Variants in GRIA4 observed in about 807,000 individuals in gnomAD.
GRIA4 encodes the protein glutamate receptor 4.
Under a neutral mutation model 104.0 loss-of-function variants are expected in GRIA4, and 34 were observed. The observed-to-expected ratio is 0.33, with a 90% CI of 0.25 to 0.44. The LOEUF (loss-of-function observed/expected upper bound fraction) is 0.44. Ranked by LOEUF, GRIA4 falls within the 20% of genes least tolerant of loss-of-function variation. The probability of loss-of-function intolerance (pLI) is 1.00; values close to 1 mark genes in which losing one functional copy is unlikely to be tolerated. For missense variants in GRIA4, 750 were observed against 1,096.5 expected (o/e 0.68, Z 4.46); for synonymous variants, 386 against 381.9 (o/e 1.01, Z -0.13).
At chr11:105,692,716 C>T (rs556595467) in intron 3 of GRIA4, among the ~76,000 whole-genome samples, 11 of 152,218 alleles carry the variant, frequency 7.2e-5, no homozygotes, top group African/African-American at 1.2e-4. Context: ...CAAGTCAGTG[C>T]GTGAATCGCA....
chr11:105,843,574 A>C (rs1393747533), intron 4 of GRIA4, among the ~76,000 whole-genome samples: 1 of 152,224 alleles, frequency 6.6e-6, no homozygotes, highest in Non-Finnish European at 1.5e-5. Context: ...CGGGAATTTC[A>C]GTGCAATTCC....
intron 4 of GRIA4, among the ~76,000 whole-genome samples, chr11:105,767,415 G>A (rs1221733271): frequency 1.3e-5 from 2 of 152,084 alleles, no homozygotes; most frequent in African/African-American, 4.8e-5. Context: ...TGTTATTAAA[G>A]ATGCCTAAAA....
chr11:105,689,995 C>G (rs1367824774), intron 3 of GRIA4, among the ~76,000 whole-genome samples: 3 of 152,178 alleles, frequency 2.0e-5, no homozygotes, highest in Non-Finnish European at 4.4e-5. Context: ...TTAATTAGTG[C>G]TTATCCTTAT....
chr11:105,900,677 C>T (rs544097606), intron 7 of GRIA4, among the ~76,000 whole-genome samples: 81 of 152,300 alleles, frequency 5.3e-4, no homozygotes, highest in African/African-American at 1.9e-3. Flanking sequence ...CAACTTCCAC[C>T]TCCTGCGTTC....
intron 3 of GRIA4, among the ~76,000 whole-genome samples, chr11:105,719,530 C>CA (rs1954221334): frequency 6.6e-6 from 1 of 152,046 alleles, no homozygotes; most frequent in Non-Finnish European, 1.5e-5. Flanking sequence ...CTTATGTAGT[C>CA]CAGGATATGA....
chr11:105,741,063 A>G (rs1249847014), intron 3 of GRIA4, among the ~76,000 whole-genome samples: 1 of 152,204 alleles, frequency 6.6e-6, no homozygotes, highest in South Asian at 2.1e-4. Context: ...ACTGGGCAAA[A>G]AATGGCAGCG....
chr11:105,794,473 G>GTATATATATATATA (rs71041629), intron 4 of GRIA4, among the ~76,000 whole-genome samples: 12 of 43,860 alleles, frequency 2.7e-4, no homozygotes, highest in African/African-American at 6.0e-4. Context: ...GTATATGTAT[G>GTATATATATATATA]TATATATATA....
chr11:105,715,425 G>A (rs529953307), intron 3 of GRIA4, among the ~76,000 whole-genome samples: 1 of 152,144 alleles, frequency 6.6e-6, no homozygotes, highest in African/African-American at 2.4e-5. Context: ...AACTGTCTAT[G>A]TTTCCCTTTT....
At chr11:105,715,355 T>C (rs1954055871) in intron 3 of GRIA4, among the ~76,000 whole-genome samples, 1 of 152,170 alleles carries the variant, frequency 6.6e-6, no homozygotes, top group Non-Finnish European at 1.5e-5. Flanking sequence ...ACTAGAGATA[T>C]ATCTTTAACC....
chr11:105,628,430 C>G (rs1026760645), intron 3 of GRIA4, among the ~76,000 whole-genome samples: 19 of 152,190 alleles, frequency 1.2e-4, no homozygotes, highest in Middle Eastern at 3.4e-3. Flanking sequence ...CCTATAATCC[C>G]CATGTGTCGT....
chr11:105,834,169 AGTT>A (rs1158445843), intron 4 of GRIA4, among the ~76,000 whole-genome samples: 1 of 152,048 alleles, frequency 6.6e-6, no homozygotes, highest in African/African-American at 2.4e-5. Context: ...CAGTTCCAGA[AGTT>A]GTTCTCTTTA....
At chr11:105,698,701 T>C (rs531557978) in intron 3 of GRIA4, among the ~76,000 whole-genome samples, 2 of 152,338 alleles carry the variant, frequency 1.3e-5, no homozygotes, top group African/African-American at 4.8e-5. Context: ...GCACTTTGTC[T>C]TCCACTCTCC....
At chr11:105,712,670 A>C (rs2135552353) in intron 3 of GRIA4, among the ~76,000 whole-genome samples, 1 of 151,660 alleles carries the variant, frequency 6.6e-6, no homozygotes, top group East Asian at 1.9e-4. Flanking sequence ...CGTTTCACAT[A>C]GGTGTTTTGT....
intron 5 of GRIA4, among the ~76,000 whole-genome samples, chr11:105,879,030 G>A (rs56073265): frequency 0.27 from 40,678 of 152,134 alleles, 5,465 homozygotes; most frequent in Non-Finnish European, 0.29. Flanking sequence ...GTAGACACCC[G>A]AGGGAATCTC....
At chr11:105,725,721 A>T (rs1404546755) in intron 3 of GRIA4, among the ~76,000 whole-genome samples, 1 of 152,082 alleles carries the variant, frequency 6.6e-6, no homozygotes, top group Non-Finnish European at 1.5e-5. Flanking sequence ...GACTAATTAG[A>T]CAGTGAGTGC....
chr11:105,860,783 AC>A (rs1945191855), intron 4 of GRIA4, among the ~76,000 whole-genome samples: 1 of 151,756 alleles, frequency 6.6e-6, no homozygotes, highest in African/African-American at 2.4e-5. Flanking sequence ...ATATGGTAAA[AC>A]CCTGGCTCTA....
intron 6 of GRIA4, among the ~76,000 whole-genome samples, chr11:105,889,568 C>T (rs370360366): frequency 6.6e-6 from 1 of 151,710 alleles, no homozygotes; most frequent in Admixed American, 6.6e-5. Context: ...TGAAGTCAAT[C>T]CAGAATCAAA....
intron 3 of GRIA4, among the ~76,000 whole-genome samples, chr11:105,702,555 TA>T (rs1953535795): frequency 6.6e-6 from 1 of 151,730 alleles, no homozygotes; most frequent in Non-Finnish European, 1.5e-5. Context: ...AATAAAAAGA[TA>T]AAAAATAAAT....
At chr11:105,895,242 C>T (rs958434511) in intron 6 of GRIA4, among the ~76,000 whole-genome samples, 2 of 110,628 alleles carry the variant, frequency 1.8e-5, no homozygotes, top group African/African-American at 7.5e-5. Context: ...ACAAAAGCTA[C>T]GAGCTCATGC....
Sources: gnomAD v4.1 joint callset for allele counts (sites outside exome capture counted in the v4.1 genomes callset) on GRCh38, gnomAD v4.1.1 for gene constraint, MANE v1.5 for transcripts, NCBI Gene and HGNC (gene_info 2026-07-23, HGNC 2026-07-21) for gene names.